Variants in NTNG2 observed in about 807,000 individuals in gnomAD.
The protein encoded by NTNG2 is netrin-G2.
A neutral mutation model predicts 47.6 loss-of-function variants in NTNG2; 15 were observed. The ratio of observed to expected loss-of-function variants is 0.32; its 90% CI spans 0.21 to 0.49. The LOEUF (loss-of-function observed/expected upper bound fraction) is 0.49, where lower values mean the gene tolerates loss of function less well. Ranked by LOEUF, NTNG2 falls within the 20% of genes least tolerant of loss-of-function variation. The pLI is 0.99. For synonymous variants in NTNG2, 307 were observed against 324.6 expected (o/e 0.95, Z 0.58); for missense variants, 578 against 764.6 (o/e 0.76, Z 2.88).
intron 2 of NTNG2, among the ~76,000 whole-genome samples, chr9:132,181,873 G>C (rs1045364406): frequency 6.6e-6 from 1 of 152,230 alleles, no homozygotes; most frequent in Admixed American, 6.5e-5. Flanking sequence ...CGCCCGGCCC[G>C]GCATCCAGGT....
intron 2 of NTNG2, among the ~76,000 whole-genome samples, chr9:132,174,146 C>G (rs967625974): frequency 7.1e-6 from 1 of 141,566 alleles, no homozygotes; most frequent in African/African-American, 2.8e-5. Flanking sequence ...GCAGGCCGCA[C>G]CATGCTGCGG....
chr9:132,207,555 G>A (rs1267306374), intron 3 of NTNG2, among the ~76,000 whole-genome samples: 1 of 152,198 alleles, frequency 6.6e-6, no homozygotes, highest in Non-Finnish European at 1.5e-5. Context: ...CATGACCTCA[G>A]CTTAACTTAC....
At chr9:132,187,327 G>A (rs766356969) in intron 2 of NTNG2, among the ~76,000 whole-genome samples, 9 of 152,356 alleles carry the variant, frequency 5.9e-5, no homozygotes, top group African/African-American at 1.2e-4. Flanking sequence ...CAGAAAAGCC[G>A]CCTTGGCCAG....
chr9:132,229,805 G>C (rs949902739), intron 4 of NTNG2, among the ~76,000 whole-genome samples: 2 of 152,176 alleles, frequency 1.3e-5, no homozygotes, highest in East Asian at 3.8e-4. Flanking sequence ...GTCCTTTCTC[G>C]GGAACACCGT....
At chr9:132,219,225 A>C (rs1375171629) in intron 3 of NTNG2, among the ~76,000 whole-genome samples, 1 of 151,514 alleles carries the variant, frequency 6.6e-6, no homozygotes, top group Non-Finnish European at 1.5e-5. Flanking sequence ...CAAAACAAAA[A>C]AAAAAAAGAA....
In NTNG2 at chr9:132,162,736, GC is replaced by G. The variant is rs959928882; in HGVS notation, c.-484+500del. Among the ~76,000 whole-genome samples the G allele has an allele frequency of 4.0e-5, 6 of 151,808 alleles. No individual in the cohort carries two copies. Among genetic ancestry groups the G allele is most frequent in the African/African-American group, 9.7e-5 (4 of 41,314 alleles). ...CCGCTTAGAGCCACCCCCATCCCGTGCCCTCCCATCTCTCTGCAAACTGGGA... is the reference window on the plus strand; with the variant it reads ...CCGCTTAGAGCCACCCCCATCCCGTGCCTCCCATCTCTCTGCAAACTGGGA... On this transcript the variant is annotated intron_variant, in intron 1 of 7. Transcript: ENST00000393229. This position sits in a 1 kb window ranked among gnomAD's most constrained non-coding sequence, Gnocchi z 4.6.
intron 2 of NTNG2, among the ~76,000 whole-genome samples, chr9:132,196,382 G>A (rs1449401625): frequency 6.6e-6 from 1 of 151,912 alleles, no homozygotes; most frequent in African/African-American, 2.4e-5. Context: ...TAGTAGAGAC[G>A]GGGTTTCTCC....
intron 2 of NTNG2, among the ~76,000 whole-genome samples, chr9:132,178,786 CAAAAAAAAA>C (rs57942639): frequency 1.1e-5 from 1 of 93,552 alleles, no homozygotes; most frequent in Non-Finnish European, 2.5e-5. Context: ...ACTAAAAATA[CAAAAAAAAA>C]AAAAAAAAAA....
chr9:132,206,666 CA>C, intron 3 of NTNG2, among the ~76,000 whole-genome samples: 1 of 152,268 alleles, frequency 6.6e-6, no homozygotes, highest in South Asian at 2.1e-4. Flanking sequence ...GACTCCGTCT[CA>C]AAAAAATAAA....
intron 4 of NTNG2, among the ~76,000 whole-genome samples, chr9:132,227,275 A>G (rs909102610): frequency 6.6e-6 from 1 of 152,210 alleles, no homozygotes; most frequent in Non-Finnish European, 1.5e-5. Flanking sequence ...ACCTTGTTCT[A>G]CAGCTCCCAA....
rs568464473 is a variant in NTNG2, at chr9:132,215,909, C to T, written c.858-10940C>T. On this transcript the variant is annotated intron_variant, in intron 3 of 7. Transcript: ENST00000393229. This position sits in a 1 kb window ranked among gnomAD's most constrained non-coding sequence, Gnocchi z 4.2. The stretch of plus-strand genomic sequence containing the variant: ...CAATAGCAACAATAATAATAGCTGA[C>T]GTTTCCGGAGGGCATGCTCTGTGCC... 1.3e-5 allele frequency among the ~76,000 whole-genome samples: 2 copies of T among 152,250 alleles called. No individual in the cohort carries two copies. Among genetic ancestry groups the T allele is most frequent in the African/African-American group, 2.4e-5 (1 of 41,518 alleles).
chr9:132,177,839 G>C (rs889542850), intron 2 of NTNG2, among the ~76,000 whole-genome samples: 3 of 152,084 alleles, frequency 2.0e-5, no homozygotes, highest in African/African-American at 7.2e-5. Context: ...TGTATTTTTA[G>C]TAGAGATGGG....
At position 132,197,836 on chromosome 9, in the gene NTNG2, C is replaced by T; in HGVS notation, c.214-130C>T. 1.2e-6 allele frequency: 1 copy of T among 825,504 alleles called. No individual in the cohort carries two copies. 51.1% of individuals were successfully genotyped at this position (825,504 alleles called of 1,614,324 possible). A position where few individuals can be genotyped will look rare whatever the true frequency, so the allele number is the denominator to read the frequency against. ...CAAATCTCCCAGCTGTGTCTGGGCA[C>T]CGGAGCACAGGCCCTGTAGCCACAG... is the stretch of plus-strand genomic sequence containing the variant. On this transcript the variant is annotated intron_variant, in intron 2 of 7. Coordinates refer to ENST00000393229, the MANE Select transcript of NTNG2 (RefSeq NM_032536.4). The surrounding 1 kb of genome is among the most constrained non-coding windows in gnomAD (Gnocchi z 4.3).
chr9:132,203,471 C>A (rs544210813), intron 3 of NTNG2, among the ~76,000 whole-genome samples: 1 of 152,084 alleles, frequency 6.6e-6, no homozygotes, highest in Non-Finnish European at 1.5e-5. Context: ...AGACAGCAGG[C>A]GCCTCACAAG....
intron 5 of NTNG2, among the ~76,000 whole-genome samples, chr9:132,237,668 C>G (rs1208350409): frequency 3.3e-5 from 5 of 152,198 alleles, no homozygotes; most frequent in Admixed American, 2.6e-4. Flanking sequence ...AACTGAGTCT[C>G]TCTTCCCTAC....
intron 3 of NTNG2, among the ~76,000 whole-genome samples, chr9:132,206,045 C>T (rs919150513): frequency 1.2e-4 from 19 of 152,286 alleles, no homozygotes; most frequent in Middle Eastern, 6.8e-3. Flanking sequence ...TTGCCTCCTT[C>T]CCACCTCCAC....
intron 3 of NTNG2, among the ~76,000 whole-genome samples, chr9:132,204,382 G>A (rs543670171): frequency 3.9e-5 from 6 of 152,216 alleles, no homozygotes; most frequent in Non-Finnish European, 5.9e-5. Flanking sequence ...TGATCGCCCC[G>A]TAACTGGAGA....
chr9:132,192,560 C>A (rs1420506475), intron 2 of NTNG2, among the ~76,000 whole-genome samples: 1 of 152,156 alleles, frequency 6.6e-6, no homozygotes, highest in African/African-American at 2.4e-5. Flanking sequence ...CACTGCATTC[C>A]AGCCTGGGCC....
At chr9:132,204,849 G>C (rs558467647) in intron 3 of NTNG2, among the ~76,000 whole-genome samples, 15 of 152,278 alleles carry the variant, frequency 9.9e-5, no homozygotes, top group Non-Finnish European at 1.9e-4. Flanking sequence ...GCTGACGCAG[G>C]AGGATCTCTT....
Sources: allele counts gnomAD v4.1 joint callset (sites outside exome capture counted in the v4.1 genomes callset), GRCh38; gene constraint gnomAD v4.1.1; non-coding constraint Gnocchi (gnomAD v3.1); transcripts MANE v1.5; gene names NCBI Gene and HGNC (gene_info 2026-07-23, HGNC 2026-07-21).